The following COQ8B variants were observed in gnomAD, a reference collection of about 807,000 sequenced individuals.
COQ8B encodes coenzyme Q8B.
A neutral mutation model predicts 62.0 loss-of-function variants in COQ8B; 44 were observed. The ratio of observed to expected loss-of-function variants is 0.71; its 90% CI spans 0.56 to 0.91. The LOEUF (loss-of-function observed/expected upper bound fraction) is 0.91. Ranked by LOEUF, COQ8B falls within the 40% of genes least tolerant of loss-of-function variation. The pLI, the probability that COQ8B is intolerant of heterozygous loss-of-function variation, is 0.00. For missense variants in COQ8B, 649 were observed against 731.6 expected, an observed-to-expected ratio of 0.89 and a Z score of 1.30; for synonymous variants, 252 against 289.9, an observed-to-expected ratio of 0.87 and a Z score of 1.33.
intron 5 of COQ8B, among the ~76,000 whole-genome samples, chr19:40,707,184 A>G (rs907601176): frequency 1.3e-5 from 2 of 151,898 alleles, no homozygotes; most frequent in African/African-American, 4.8e-5. Flanking sequence ...CAGGAAGATC[A>G]CTTGGACCCA....
intron 13 of COQ8B, among the ~76,000 whole-genome samples, chr19:40,694,369 G>C (rs2081997358): frequency 6.6e-6 from 1 of 152,146 alleles, no homozygotes; most frequent in African/African-American, 2.4e-5. Context: ...TCCCTTCCCT[G>C]CTCAAATCTT....
intron 1 of COQ8B, chr19:40,715,453 C>G: frequency 3.0e-6 from 3 of 985,614 alleles, no homozygotes; most frequent in Non-Finnish European, 3.6e-6. Context: ...TTACCCCTGG[C>G]AGGCTCAACA....
chr19:40,712,831 C>T (rs2082152815), intron 4 of COQ8B, among the ~76,000 whole-genome samples: 2 of 152,200 alleles, frequency 1.3e-5, no homozygotes, highest in Admixed American at 1.3e-4. Flanking sequence ...CCTTTGTTAG[C>T]CTCAATGTCC....
rs1181794113 is a variant in COQ8B at position 40,703,570 on chromosome 19, AC to A, written c.769del (p.Val257TyrfsTer4). 6.2e-7 allele frequency: 1 copy of A among 1,609,704 alleles called. No homozygotes were observed. The highest frequency in any genetic ancestry group is 2.2e-5 in the East Asian group (1 of 44,754). On this transcript the variant is annotated frameshift_variant, in exon 9 of 15. Transcript: ENST00000324464. LOFTEE classifies it high-confidence loss of function. ...GGGCAGGGCCGCGCTCATCTTGAGT[AC>A]CGCCAGCAGGTTCTGGACATCGCTC... ...IQSDVQNLLA[V>X]LKMSAALPAG...
In COQ8B at chr19:40,700,435, C is replaced by A. The variant is rs1176858804; in HGVS notation, c.910G>T (p.Asp304Tyr). Reference protein sequence around the residue: ...AQNFRQLLANDPFFRVPAVVK... With the variant: ...AQNFRQLLANYPFFRVPAVVK... ...ACGGCTGGGACCCGGAAGAAGGGGT[C>A]ATTTGCCAGCAGCTGCCTGGGGCAG... Residue 304 changes from aspartate (D) to tyrosine (Y), a missense_variant, in exon 11 of 15, where the codon GAC (aspartate) becomes TAC (tyrosine). Transcript: ENST00000324464. 1 of 1,613,480 alleles carries A rather than the reference C, an allele frequency of 6.2e-7. No individual in the cohort carries two copies. Among genetic ancestry groups the A allele is most frequent in the Non-Finnish European group, 8.5e-7 (1 of 1,179,796 alleles).
chr19:40,703,657 G>T (rs756123742), intron 8 of COQ8B, 35 bp from the exon 9 acceptor site: 81 of 1,613,496 alleles, frequency 5.0e-5, no homozygotes, highest in Non-Finnish European at 6.3e-5. Flanking sequence ...GAAGGTGGGA[G>T]TCACTTCTCT....
intron 3 of COQ8B, 47 bp downstream of exon 3, chr19:40,714,231 C>A (rs962365057): frequency 1.2e-6 from 2 of 1,606,312 alleles, no homozygotes; most frequent in Non-Finnish European, 1.7e-6. Flanking sequence ...GCTCAGGGGG[C>A]CAGCAGTATT....
intron 5 of COQ8B, 43 bp downstream of exon 5, chr19:40,710,016 C>G (rs745606606): frequency 2.5e-6 from 4 of 1,608,552 alleles, no homozygotes; most frequent in South Asian, 2.2e-5. Flanking sequence ...CCAGGTCACA[C>G]AGCAAAGCCA....
At chr19:40,697,849 T>TAGAGAGAGAGAGAG (rs1224275474) in intron 12 of COQ8B, among the ~76,000 whole-genome samples, 12 of 60,704 alleles carry the variant, frequency 2.0e-4, no homozygotes, top group African/African-American at 9.7e-4. Context: ...TATATATATA[T>TAGAGAGAGAGAGAG]ATAGAGAGAG....
intron 7 of COQ8B, chr19:40,704,057 T>C (rs756455862): frequency 1.6e-6 from 1 of 628,580 alleles, no homozygotes; most frequent in Non-Finnish European, 2.7e-6. Context: ...TGGCAGACTG[T>C]GAGGCTCAGC....
intron 1 of COQ8B, 133 bp from the exon 2 acceptor site, chr19:40,714,768 A>C: frequency 1.5e-6 from 2 of 1,297,160 alleles, no homozygotes; most frequent in Non-Finnish European, 2.0e-6. Context: ...AGATTCCCAC[A>C]GTTTCTCCTG....
intron 7 of COQ8B, 167 bp from the exon 8 acceptor site, chr19:40,704,022 C>G (rs2082081966): frequency 1.2e-6 from 1 of 833,224 alleles, no homozygotes; most frequent in Admixed American, 3.1e-5. Context: ...AGAGAGCTCC[C>G]TTGTGCAAGT....
At chr19:40,700,197 G>T (rs761736348) in intron 11 of COQ8B, 23 bp from the exon 12 acceptor site, 2 of 1,613,836 alleles carry the variant, frequency 1.2e-6, no homozygotes. Context: ...GAATTAACAG[G>T]CATCTCAGTG....
In COQ8B at chr19:40,700,247, C is replaced by T. The variant is rs2082050739; in HGVS notation, c.1035+63G>A. ...GTGCCACTGCTGGCCTGGAGAGAGACCATGAGCCTGGCCCACCCGCCCTGG... is the reference window on the plus strand; with the variant it reads ...GTGCCACTGCTGGCCTGGAGAGAGATCATGAGCCTGGCCCACCCGCCCTGG... On this transcript the variant is annotated intron_variant, in intron 11 of 14. Coordinates refer to ENST00000324464, the MANE Select transcript of COQ8B (RefSeq NM_024876.4). 6 of 1,611,308 alleles carry T rather than the reference C, an allele frequency of 3.7e-6. No individual in the cohort carries two copies. The Admixed American group carries it at 8.3e-5, about 22-fold the overall frequency.
At position 40,710,089 on chromosome 19, in the gene COQ8B, T is replaced by G; in HGVS notation, c.337A>C (p.Lys113Gln). The change falls in exon 5 of 15, where the codon AAG becomes CAG. Residue 113 changes from lysine (K) to glutamine (Q), a missense_variant. Coordinates refer to ENST00000324464, the MANE Select transcript of COQ8B (RefSeq NM_024876.4). Reference sequence around the variant, plus strand: ...TGCAGACGACCTCCTGGCATGGACTTCTTAGCCATCTCGGCCAGTACTCCT... The same window carrying G: ...TGCAGACGACCTCCTGGCATGGACTGCTTAGCCATCTCGGCCAGTACTCCT... ...GLGVLAEMAK[K>Q]SMPGGRLQSE... 1 of 1,613,916 alleles carries G rather than the reference T, an allele frequency of 6.2e-7. No homozygotes were observed. The highest frequency in any genetic ancestry group is 8.5e-7 in the Non-Finnish European group (1 of 1,179,868).
chr19:40,697,875 G>GAGAGAGAGAGAGGGGC (rs58313890), intron 12 of COQ8B, among the ~76,000 whole-genome samples: 2 of 103,474 alleles, frequency 1.9e-5, no homozygotes, highest in Non-Finnish European at 3.8e-5. Flanking sequence ...GAGAGAGAGA[G>GAGAGAGAGAGAGGGGC]AGTTTCTACT....
At position 40,696,664 on chromosome 19, in the gene COQ8B, CA is replaced by C. The variant is rs36085326; in HGVS notation, c.1144-611del. Among the ~76,000 whole-genome samples the C allele has an allele frequency of 4.7e-3, 567 of 120,422 alleles. 3 individuals carry two copies. The highest frequency in any genetic ancestry group is 0.04 in the East Asian group (151 of 3,766). The allele number at this position is 120,422 out of a possible 152,430, so 79.0% of individuals were successfully genotyped here. On this transcript the variant is annotated intron_variant, in intron 12 of 14. Coordinates refer to ENST00000324464, the MANE Select transcript of COQ8B (RefSeq NM_024876.4). Reference sequence around the variant, plus strand: ...TGGGCAACAGAGTGAGACTCCGTCTCAAAAAAAAAAAAAAATACTCCCCATC... The same window carrying C: ...TGGGCAACAGAGTGAGACTCCGTCTCAAAAAAAAAAAAAATACTCCCCATC...
chr19:40,692,453 G>A (rs2081980371), intron 14 of COQ8B, 80 bp from the exon 15 acceptor site: 2 of 1,244,856 alleles, frequency 1.6e-6, no homozygotes, highest in Non-Finnish European at 2.3e-6. Context: ...ACAACGTGTA[G>A]CCTCCACTCC....
chr19:40,695,210 C>T (rs907255225), intron 13 of COQ8B, among the ~76,000 whole-genome samples: 2 of 151,226 alleles, frequency 1.3e-5, no homozygotes, highest in Admixed American at 6.6e-5. Context: ...CCCAGCTACT[C>T]GAGAAGCTGA....
Sources: gnomAD v4.1 joint callset for allele counts (sites outside exome capture counted in the v4.1 genomes callset) on GRCh38, gnomAD v4.1.1 for gene constraint, MANE v1.5 for transcripts, NCBI Gene and HGNC (gene_info 2026-07-23, HGNC 2026-07-21) for gene names.